Variants in PARD3 observed in about 807,000 individuals in gnomAD.
The protein encoded by PARD3 is partitioning defective 3 homolog.
In PARD3, 75 loss-of-function variants were observed where a neutral mutation model predicts 155.4. The observed-to-expected ratio is 0.48, with a 90% CI of 0.40 to 0.58. The LOEUF is 0.58. Among genes scored for constraint, PARD3 ranks in the 20% least tolerant of loss-of-function variants. The pLI, the probability that PARD3 is intolerant of heterozygous loss-of-function variation, is 0.00. For synonymous variants in PARD3, 576 were observed against 610.5 expected (o/e 0.94, Z 0.83); for missense variants, 1,642 against 1,721.7 (o/e 0.95, Z 0.82).
intron 22 of PARD3, among the ~76,000 whole-genome samples, chr10:34,162,505 T>A (rs927690927): frequency 2.6e-5 from 4 of 152,260 alleles, no homozygotes; most frequent in Non-Finnish European, 5.9e-5. Context: ...CATGTGAGTA[T>A]GTATATACAC....
chr10:34,458,091 G>T (rs1564736140), intron 4 of PARD3, among the ~76,000 whole-genome samples: 1 of 152,136 alleles, frequency 6.6e-6, no homozygotes, highest in Non-Finnish European at 1.5e-5. Context: ...TCATAGAGAT[G>T]GTTGGTTCAC....
intron 5 of PARD3, among the ~76,000 whole-genome samples, chr10:34,407,253 C>A (rs1489660442): frequency 6.6e-6 from 1 of 152,144 alleles, no homozygotes; most frequent in South Asian, 2.1e-4. Flanking sequence ...ACTGTCAAGG[C>A]CCCCACAGAC....
chr10:34,657,528 T>TTTTGTTTGTTTG (rs113292161), intron 2 of PARD3, among the ~76,000 whole-genome samples: 294 of 150,350 alleles, frequency 2.0e-3, no homozygotes, highest in African/African-American at 6.9e-3. Context: ...CTCAGTTTTG[T>TTTTGTTTGTTTG]TTTGTTTGTT....
chr10:34,399,088 A>C (rs951467780), intron 7 of PARD3, among the ~76,000 whole-genome samples: 4 of 152,188 alleles, frequency 2.6e-5, no homozygotes, highest in African/African-American at 9.6e-5. Context: ...GAGTGTGATG[A>C]ACAATAAATT....
chr10:34,313,963 G>C (rs1255741516), intron 20 of PARD3, among the ~76,000 whole-genome samples: 1 of 152,178 alleles, frequency 6.6e-6, no homozygotes, highest in South Asian at 2.1e-4. Context: ...AGAAAGAAAA[G>C]GATCACACAC....
chr10:34,186,412 G>C (rs1315898669), intron 22 of PARD3, among the ~76,000 whole-genome samples: 1 of 149,780 alleles, frequency 6.7e-6, no homozygotes, highest in Non-Finnish European at 1.5e-5. Flanking sequence ...TCCCCAATCA[G>C]ATTCCCAAAC....
chr10:34,644,433 T>C (rs1299366579), intron 2 of PARD3, among the ~76,000 whole-genome samples: 2 of 152,246 alleles, frequency 1.3e-5, no homozygotes, highest in Non-Finnish European at 2.9e-5. Flanking sequence ...AGTGCAGGCT[T>C]ATTCTCTGGT....
At chr10:34,167,380 A>C (rs1056250022) in intron 22 of PARD3, among the ~76,000 whole-genome samples, 3 of 152,138 alleles carry the variant, frequency 2.0e-5, no homozygotes, top group African/African-American at 7.2e-5. Flanking sequence ...CACCATACAC[A>C]ATTAGTCTGC....
chr10:34,427,144 G>A (rs898664926), intron 5 of PARD3, among the ~76,000 whole-genome samples: 2 of 152,162 alleles, frequency 1.3e-5, no homozygotes, highest in South Asian at 4.1e-4. Context: ...TGAAATCTGG[G>A]CACCTTAAGA....
chr10:34,350,286 C>T (rs1165492887), intron 14 of PARD3, among the ~76,000 whole-genome samples: 1 of 152,174 alleles, frequency 6.6e-6, no homozygotes, highest in African/African-American at 2.4e-5. Context: ...GGGAGAATGG[C>T]TGGCCTCTGC....
intron 2 of PARD3, among the ~76,000 whole-genome samples, chr10:34,688,754 G>T (rs924862548): frequency 1.3e-5 from 2 of 152,162 alleles, no homozygotes; most frequent in African/African-American, 2.4e-5. Context: ...TGCCCTGAAC[G>T]TTAATAATTA....
intron 4 of PARD3, among the ~76,000 whole-genome samples, chr10:34,462,009 G>C (rs2077683992): frequency 6.6e-6 from 1 of 152,210 alleles, no homozygotes; most frequent in Admixed American, 6.5e-5. Context: ...ATAACTCAGT[G>C]AGCCCAGCCT....
chr10:34,574,333 A>T (rs1020297671), intron 2 of PARD3, among the ~76,000 whole-genome samples: 8 of 152,198 alleles, frequency 5.3e-5, no homozygotes. Flanking sequence ...TCACTGACAG[A>T]CATATCTAGT....
chr10:34,309,908 A>C (rs1957616003), intron 20 of PARD3, among the ~76,000 whole-genome samples: 1 of 151,526 alleles, frequency 6.6e-6, no homozygotes, highest in African/African-American at 2.4e-5. Context: ...AAAAAAAAAA[A>C]AAAAAACTGC....
rs1456807619 is a variant in PARD3, at chr10:34,180,100, T to G, written c.3420-48517A>C. 2.6e-5 allele frequency among the ~76,000 whole-genome samples: 4 copies of G among 151,932 alleles called. No homozygotes were observed. The East Asian group carries it at 5.8e-4, about 22-fold the overall frequency. ...TCTCGCTCTGTCGCCCAGGCTGGAG[T>G]GCAGTGGCACGATCTCAGCTCACTG... On this transcript the variant is annotated intron_variant, in intron 22 of 24. Transcript: ENST00000374788.
chr10:34,492,314 G>A (rs576310206), intron 3 of PARD3, among the ~76,000 whole-genome samples: 1 of 152,228 alleles, frequency 6.6e-6, no homozygotes, highest in East Asian at 1.9e-4. Context: ...CACCTGCTCA[G>A]GTCTTAATTC....
chr10:34,646,890 A>T (rs1015507096), intron 2 of PARD3, among the ~76,000 whole-genome samples: 1 of 152,112 alleles, frequency 6.6e-6, no homozygotes, highest in African/African-American at 2.4e-5. Flanking sequence ...GGGTCTCCCT[A>T]TATTGCCCAG....
chr10:34,498,555 T>C (rs1159430300), intron 3 of PARD3, among the ~76,000 whole-genome samples: 3 of 152,120 alleles, frequency 2.0e-5, no homozygotes, highest in East Asian at 1.9e-4. Flanking sequence ...GGCAGGAGGA[T>C]TGCATGAGGC....
In PARD3 at chr10:34,814,977, A is replaced by G. The variant is rs776859625; in HGVS notation, c.19T>C (p.Phe7Leu). The G allele has an allele frequency of 2.6e-6, 4 of 1,540,086 alleles. No homozygotes were observed. Among genetic ancestry groups the G allele is most frequent in the South Asian group, 1.2e-5 (1 of 83,776 alleles). The change falls in exon 1 of 25, where the codon TTC (phenylalanine) becomes CTC (leucine). Residue 7 changes from phenylalanine (F) to leucine (L), a missense_variant. Around this residue, in one of 3 missense-constraint regions of PARD3, gnomAD observed 75 missense variants for 65.3 expected, o/e 1.15. Transcript: ENST00000374788. ...GGCACGACCACCCGGGTCCGTCCGAAGCACACGGTCACTTTCATGCCGCCG... is the reference window on the plus strand; with the variant it reads ...GGCACGACCACCCGGGTCCGTCCGAGGCACACGGTCACTTTCATGCCGCCG... MKVTVC[F>L]GRTRVVVPCG...
Sources: gnomAD v4.1 joint callset for allele counts (sites outside exome capture counted in the v4.1 genomes callset) on GRCh38, gnomAD v4.1.1 for gene constraint, gnomAD v4.1.1 regional missense constraint, MANE v1.5 for transcripts, NCBI Gene and HGNC (gene_info 2026-07-23, HGNC 2026-07-21) for gene names.